DHRSX: variants seen among roughly 807,000 people sequenced by gnomAD.
DHRSX encodes the protein polyprenol dehydrogenase.
Under a neutral mutation model 34.0 loss-of-function variants are expected in DHRSX, and 31 were observed. The ratio of observed to expected loss-of-function variants is 0.91; its 90% CI spans 0.69 to 1.23. The LOEUF is 1.23. Among genes scored for constraint, DHRSX ranks in the 50% most tolerant of loss-of-function variants. The pLI is 0.00. For missense variants in DHRSX, 414 were observed against 428.1 expected (o/e 0.97, Z 0.29); for synonymous variants, 201 against 183.8 (o/e 1.09, Z -0.76).
intron 4 of DHRSX, among the ~76,000 whole-genome samples, chrX:2,287,028 T>G (rs184695715): frequency 6.6e-6 from 1 of 152,316 alleles, no homozygotes; most frequent in East Asian, 1.9e-4. Context: ...AAGAGGTGTG[T>G]TTTCTAAGGC....
At chrX:2,273,103 GA>G (rs1454998856) in intron 4 of DHRSX, among the ~76,000 whole-genome samples, 2 of 152,130 alleles carry the variant, frequency 1.3e-5, no homozygotes, top group African/African-American at 4.8e-5. Flanking sequence ...AGAAACCCCA[GA>G]ATTGCTTGAA....
intron 3 of DHRSX, among the ~76,000 whole-genome samples, chrX:2,309,089 T>C (rs2042134314): frequency 6.6e-6 from 1 of 152,092 alleles, no homozygotes. Flanking sequence ...AATAATTTTC[T>C]CAGAGATACT....
chrX:2,484,451 G>C (rs1416618188), intron 1 of DHRSX, among the ~76,000 whole-genome samples: 2 of 152,298 alleles, frequency 1.3e-5, no homozygotes, highest in East Asian at 3.9e-4. Flanking sequence ...CAGCTAGGAA[G>C]GAGCCTGGCT....
chrX:2,424,844 G>T (rs988297883), intron 2 of DHRSX, among the ~76,000 whole-genome samples: 2 of 152,062 alleles, frequency 1.3e-5, no homozygotes, highest in Non-Finnish European at 2.9e-5. Flanking sequence ...TTAGGTATAA[G>T]ACACAACTAA....
At chrX:2,471,470 G>GGGA (rs1438149367) in intron 1 of DHRSX, among the ~76,000 whole-genome samples, 1 of 139,600 alleles carries the variant, frequency 7.2e-6, no homozygotes, top group Non-Finnish European at 1.5e-5. Context: ...AGGAGACTGA[G>GGGA]GCAGAATTGC....
At chrX:2,489,619 C>T in intron 1 of DHRSX, 1 of 1,612,716 alleles carries the variant, frequency 6.2e-7, no homozygotes, top group Non-Finnish European at 8.5e-7. Flanking sequence ...TGACGAACTG[C>T]TGCTCCTTGA....
At chrX:2,488,919 G>A (rs2045036421) in intron 1 of DHRSX, 3 of 1,603,046 alleles carry the variant, frequency 1.9e-6, no homozygotes, top group Admixed American at 1.7e-5. Context: ...ACCTTGGGCA[G>A]CAGGGGGAAG....
chrX:2,453,236 C>T (rs2044249674), intron 1 of DHRSX, among the ~76,000 whole-genome samples: 1 of 152,026 alleles, frequency 6.6e-6, no homozygotes, highest in East Asian at 1.9e-4. Flanking sequence ...TCAAAGAACA[C>T]AAAATTTCAG....
At chrX:2,225,172 ACG>A (rs1304270342) in intron 6 of DHRSX, among the ~76,000 whole-genome samples, 2 of 142,304 alleles carry the variant, frequency 1.4e-5, no homozygotes, top group Non-Finnish European at 1.5e-5. Flanking sequence ...GCACTCACAC[ACG>A]CACACAGCTC....
intron 1 of DHRSX, among the ~76,000 whole-genome samples, chrX:2,458,920 A>G (rs368888514): frequency 0.025 from 3,715 of 150,992 alleles, 76 homozygotes; most frequent in Admixed American, 0.047. Context: ...CAGAAGGATC[A>G]CTTCTGCCCA....
At chrX:2,238,060 C>A (rs1350045385) in intron 6 of DHRSX, among the ~76,000 whole-genome samples, 1 of 152,020 alleles carries the variant, frequency 6.6e-6, no homozygotes, top group Non-Finnish European at 1.5e-5. Context: ...GTATACAGGA[C>A]AAATCAAACC....
intron 5 of DHRSX, among the ~76,000 whole-genome samples, chrX:2,247,816 T>C (rs1447811233): frequency 6.6e-6 from 1 of 152,120 alleles, no homozygotes. Context: ...CAAACCTTTC[T>C]TGCTGACCTT....
At chrX:2,236,415 C>A (rs1434696516) in intron 6 of DHRSX, among the ~76,000 whole-genome samples, 1 of 151,984 alleles carries the variant, frequency 6.6e-6, no homozygotes, top group East Asian at 1.9e-4. Flanking sequence ...GGTGGCTCTA[C>A]CTGGAGCAAT....
At chrX:2,285,807 A>C (rs1367271088) in intron 4 of DHRSX, among the ~76,000 whole-genome samples, 1 of 149,376 alleles carries the variant, frequency 6.7e-6, no homozygotes, top group Non-Finnish European at 1.5e-5. Flanking sequence ...GCACACAACG[A>C]AGAAGAATTC....
chrX:2,362,760 C>T (rs749211662), intron 3 of DHRSX, among the ~76,000 whole-genome samples: 84 of 148,622 alleles, frequency 5.7e-4, no homozygotes, highest in African/African-American at 2.1e-3. Flanking sequence ...GGTATCATGC[C>T]GCCATTTTAT....
chrX:2,324,313 T>C (rs1282532773), intron 3 of DHRSX, among the ~76,000 whole-genome samples: 1 of 152,196 alleles, frequency 6.6e-6, no homozygotes, highest in African/African-American at 2.4e-5. Context: ...GAGTTTATGA[T>C]GAAGCTGCAC....
At chrX:2,295,018 G>A (rs1318699042) in intron 3 of DHRSX, among the ~76,000 whole-genome samples, 3 of 152,114 alleles carry the variant, frequency 2.0e-5, no homozygotes, top group Admixed American at 1.3e-4. Flanking sequence ...ACAGTGTGGC[G>A]ATTCCTCAAG....
At chrX:2,399,069 T>C (rs1159332486) in intron 3 of DHRSX, among the ~76,000 whole-genome samples, 3 of 152,016 alleles carry the variant, frequency 2.0e-5, no homozygotes, top group Non-Finnish European at 4.4e-5. Flanking sequence ...TTAGCCAGGA[T>C]GGTCTCGATC....
chrX:2,231,759 TTCC>T lies in DHRSX; in HGVS notation c.805-10533_805-10531del, dbSNP rs746571880. 5.1e-3 allele frequency among the ~76,000 whole-genome samples: 775 copies of T among 150,872 alleles called. 5 individuals are homozygous for T. The highest frequency in any genetic ancestry group is 0.015 in the African/African-American group (630 of 41,100). On this transcript the variant is annotated intron_variant, in intron 6 of 6. Transcript: ENST00000334651. ...CTTCTTCCTCCTCCACCTCGTCCTC[TTCC>T]TCCTTTCTGCCTTATCCTCCTCCTG... is the stretch of plus-strand genomic sequence containing the variant.
Sources: gnomAD v4.1 joint callset for allele counts (sites outside exome capture counted in the v4.1 genomes callset) on GRCh38, gnomAD v4.1.1 for gene constraint, MANE v1.5 for transcripts, NCBI Gene and HGNC (gene_info 2026-07-23, HGNC 2026-07-21) for gene names.